EYS: variants seen among roughly 807,000 people sequenced by gnomAD.
EYS encodes the protein EGF-like photoreceptor maintenance factor.
Under a neutral mutation model 282.1 loss-of-function variants are expected in EYS, and 250 were observed. That is an observed-to-expected ratio of 0.89 (90% CI 0.80 to 0.98). The LOEUF is 0.98. EYS is among the 50% of genes least tolerant of loss of function. The pLI, the probability that EYS is intolerant of heterozygous loss-of-function variation, is 0.00. For missense variants in EYS, 4,016 were observed against 3,709.0 expected, an observed-to-expected ratio of 1.08 and a Z score of -2.15; for synonymous variants, 1,355 against 1,282.9, an observed-to-expected ratio of 1.06 and a Z score of -1.20.
At chr6:64,294,097 G>GTGAAAGTA (rs2150367176) in intron 30 of EYS, among the ~76,000 whole-genome samples, 1 of 152,252 alleles carries the variant, frequency 6.6e-6, no homozygotes. Context: ...TTAATCCAAA[G>GTGAAAGTA]TTTGTCATAT....
intron 1 of EYS, among the ~76,000 whole-genome samples, chr6:65,681,313 T>A (rs1768806267): frequency 6.6e-6 from 1 of 152,022 alleles, no homozygotes; most frequent in Admixed American, 6.6e-5. Context: ...GCCAACTCAT[T>A]AGCATATGAA....
intron 26 of EYS, among the ~76,000 whole-genome samples, chr6:64,563,646 G>A (rs1765473525): frequency 6.6e-6 from 1 of 151,978 alleles, no homozygotes; most frequent in East Asian, 1.9e-4. Flanking sequence ...ATGAAATATC[G>A]ACTATACACT....
At chr6:64,039,257 A>T (rs1439554526) in intron 33 of EYS, among the ~76,000 whole-genome samples, 1 of 152,240 alleles carries the variant, frequency 6.6e-6, no homozygotes, top group Non-Finnish European at 1.5e-5. Context: ...TACTTTAGAT[A>T]AGAATTACTT....
At chr6:64,285,901 A>G (rs1373266154) in intron 30 of EYS, among the ~76,000 whole-genome samples, 2 of 152,172 alleles carry the variant, frequency 1.3e-5, no homozygotes, top group South Asian at 2.1e-4. Context: ...TCCTTTCCAC[A>G]ACATGTGGGA....
At chr6:63,979,584 A>C (rs1359683087) in intron 35 of EYS, among the ~76,000 whole-genome samples, 1 of 151,944 alleles carries the variant, frequency 6.6e-6, no homozygotes, top group African/African-American at 2.4e-5. Flanking sequence ...CCCAAACCTG[A>C]TGCTCCTTTT....
chr6:65,499,154 C>G (rs1025842090), intron 2 of EYS, among the ~76,000 whole-genome samples: 1 of 151,902 alleles, frequency 6.6e-6, no homozygotes, highest in Non-Finnish European at 1.5e-5. Flanking sequence ...GTTATTCTAA[C>G]AAATAAAGTC....
At chr6:64,292,762 C>A (rs1478553325) in intron 30 of EYS, among the ~76,000 whole-genome samples, 2 of 151,940 alleles carry the variant, frequency 1.3e-5, no homozygotes, top group Non-Finnish European at 2.9e-5. Context: ...AAACAAATGA[C>A]AAACAACAAG....
chr6:64,108,396 G>A (rs1377416957), intron 31 of EYS, among the ~76,000 whole-genome samples: 2 of 151,872 alleles, frequency 1.3e-5, no homozygotes, highest in Non-Finnish European at 2.9e-5. Flanking sequence ...CTCTGATGGA[G>A]CTCATTAAAG....
chr6:65,666,845 T>C (rs556375173), intron 1 of EYS, among the ~76,000 whole-genome samples: 92 of 150,148 alleles, frequency 6.1e-4, no homozygotes, highest in African/African-American at 1.8e-3. Flanking sequence ...CTAAGAAAGA[T>C]TAAGGATAAA....
chr6:65,106,524 A>G (rs182265485), intron 12 of EYS, among the ~76,000 whole-genome samples: 2 of 152,154 alleles, frequency 1.3e-5, no homozygotes, highest in Admixed American at 1.3e-4. Context: ...ACATCAGCCT[A>G]CAAAAGGCAT....
intron 20 of EYS, among the ~76,000 whole-genome samples, chr6:64,822,079 A>G (rs1397934909): frequency 6.6e-6 from 1 of 152,062 alleles, no homozygotes; most frequent in East Asian, 1.9e-4. Context: ...AGTAGGTGGC[A>G]GGATTATAAA....
chr6:65,185,654 G>A (rs1029795903), intron 12 of EYS, among the ~76,000 whole-genome samples: 4 of 151,766 alleles, frequency 2.6e-5, no homozygotes, highest in Non-Finnish European at 5.9e-5. Context: ...ATGAGTGCTA[G>A]GCTCTGTTAT....
At chr6:65,657,019 G>A (rs530495851) in intron 1 of EYS, among the ~76,000 whole-genome samples, 6 of 151,750 alleles carry the variant, frequency 4.0e-5, no homozygotes, top group African/African-American at 1.5e-4. Context: ...AATCTACTCT[G>A]CCTGTCCTCT....
At chr6:64,696,199 T>A (rs898109436) in intron 22 of EYS, among the ~76,000 whole-genome samples, 1 of 152,142 alleles carries the variant, frequency 6.6e-6, no homozygotes, top group Non-Finnish European at 1.5e-5. Flanking sequence ...AAATAAAAAA[T>A]TTGTTGAAAG....
intron 19 of EYS, among the ~76,000 whole-genome samples, chr6:64,882,309 C>A (rs1287950748): frequency 6.6e-6 from 1 of 151,772 alleles, no homozygotes; most frequent in Non-Finnish European, 1.5e-5. Flanking sequence ...GGCACATTGA[C>A]ATTTTCTTCT....
intron 22 of EYS, among the ~76,000 whole-genome samples, chr6:64,728,439 A>G (rs945719246): frequency 1.3e-5 from 2 of 151,962 alleles, no homozygotes; most frequent in African/African-American, 4.8e-5. Flanking sequence ...GGTTCACCCC[A>G]TTCTCCTGCC....
intron 26 of EYS, among the ~76,000 whole-genome samples, chr6:64,536,877 A>T (rs2149796643): frequency 1.3e-5 from 2 of 151,880 alleles, no homozygotes; most frequent in East Asian, 3.9e-4. Context: ...ATAAATCTTT[A>T]GCCAATCAGA....
At chr6:63,968,962 T>C (rs1158743253) in intron 35 of EYS, among the ~76,000 whole-genome samples, 1 of 152,240 alleles carries the variant, frequency 6.6e-6, no homozygotes, top group African/African-American at 2.4e-5. Flanking sequence ...ATAGAAGTAA[T>C]ATGTAATTTT....
At position 64,927,823 on chromosome 6, in the gene EYS, T is replaced by C. The variant is rs188879645; in HGVS notation, c.2382-15080A>G. On this transcript the variant is annotated intron_variant, in intron 15 of 42. Transcript: ENST00000503581. ...TGAAACCCCTTTATTAAGATAAACA[T>C]AGTAAATAGATAATTTAATTTACAT... 6.6e-5 allele frequency among the ~76,000 whole-genome samples: 10 copies of C among 152,188 alleles called. No individual in the cohort carries two copies. The East Asian group carries it at 1.5e-3, about 24-fold the overall frequency.
Sources: gnomAD v4.1 joint callset for allele counts (sites outside exome capture counted in the v4.1 genomes callset) on GRCh38, gnomAD v4.1.1 for gene constraint, MANE v1.5 for transcripts, NCBI Gene and HGNC (gene_info 2026-07-23, HGNC 2026-07-21) for gene names.